Variants in MORN1 observed in about 807,000 individuals in gnomAD.
MORN1 encodes MORN repeat containing 1, also known as MORN repeat-containing protein 1.
MORN1 carries 67 observed loss-of-function variants against 61.9 expected under a neutral mutation model. The ratio of observed to expected loss-of-function variants is 1.08; its 90% CI spans 0.89 to 1.33. The LOEUF (loss-of-function observed/expected upper bound fraction) is 1.33. Ranked by LOEUF, MORN1 falls within the 40% of genes most tolerant of loss-of-function variation. The pLI, the probability that MORN1 is intolerant of heterozygous loss-of-function variation, is 0.00. For missense variants in MORN1, 752 were observed against 691.2 expected (o/e 1.09, Z -0.99); for synonymous variants, 301 against 292.0 (o/e 1.03, Z -0.31).
chr1:2,334,443 G>A lies in MORN1; in HGVS notation c.1250+2026C>T, dbSNP rs758001927. On this transcript the variant is annotated intron_variant, in intron 12 of 13. Coordinates refer to ENST00000378531, the MANE Select transcript of MORN1 (RefSeq NM_024848.3). The surrounding 1 kb of genome is among the most constrained non-coding windows in gnomAD (Gnocchi z 5.4). ...CAACCCAGGAGCGGGCAGAGCTTAC[G>A]GAGAGTTCCCGATGGGAAAGACTCC... is the stretch of plus-strand genomic sequence containing the variant. 9.9e-5 allele frequency among the ~76,000 whole-genome samples: 15 copies of A among 152,124 alleles called. No homozygotes were observed. The highest frequency in any genetic ancestry group is 2.4e-4 in the African/African-American group (10 of 41,428).
intron 10 of MORN1, among the ~76,000 whole-genome samples, chr1:2,349,727 T>C (rs149720571): frequency 2.6e-5 from 4 of 152,238 alleles, no homozygotes; most frequent in Non-Finnish European, 4.4e-5. Context: ...ACGGGCAAGA[T>C]TGAATTAGTG....
chr1:2,369,670 A>C (rs900414877), intron 8 of MORN1, among the ~76,000 whole-genome samples: 3 of 152,262 alleles, frequency 2.0e-5, no homozygotes, highest in Non-Finnish European at 2.9e-5. Flanking sequence ...AATTCTACTC[A>C]TGATGGCATA....
chr1:2,336,407 AG>A, intron 12 of MORN1, 61 bp downstream of exon 12: 1 of 1,533,576 alleles, frequency 6.5e-7, no homozygotes, highest in Non-Finnish European at 8.9e-7. Context: ...CTCCTGGCCC[AG>A]CTGATGAGGA....
chr1:2,374,445 AG>A lies in MORN1; in HGVS notation c.634+15del, dbSNP rs1194459503. ...AGTGGACCTCACAGTGCCCACAGGA[AG>A]GCAGGGACACCTACCTGCTGGGTGG... On this transcript the variant is annotated intron_variant, in intron 7 of 13. Transcript: ENST00000378531. The A allele has an allele frequency of 6.4e-7, 1 of 1,567,254 alleles. No homozygotes were observed. Among genetic ancestry groups the A allele is most frequent in the African/African-American group, 1.3e-5 (1 of 74,272 alleles).
In MORN1 at chr1:2,342,881, ATTTTAT is replaced by A. The variant is rs758203476; in HGVS notation, c.1037-6037_1037-6032del. Among the ~76,000 whole-genome samples, 794 of 97,398 alleles carry A rather than the reference ATTTTAT, an allele frequency of 8.2e-3. 7 individuals carry two copies. Among genetic ancestry groups the A allele is most frequent in the African/African-American group, 0.023 (608 of 26,780 alleles). 63.9% of individuals were successfully genotyped at this position (97,398 alleles called of 152,430 possible). The stretch of plus-strand genomic sequence containing the variant: ...TATTTTATTTTATTTATTTTATTTT[ATTTTAT>A]TTTATTTTATTTTATTTTATTTTAT... On this transcript the variant is annotated intron_variant, in intron 10 of 13. Coordinates refer to ENST00000378531, the MANE Select transcript of MORN1 (RefSeq NM_024848.3).
At chr1:2,321,785 AG>A (rs1231351686) in intron 13 of MORN1, among the ~76,000 whole-genome samples, 1 of 152,030 alleles carries the variant, frequency 6.6e-6, no homozygotes, top group Non-Finnish European at 1.5e-5. Flanking sequence ...CAGTCAGCAT[AG>A]GTGAATAAAC....
At chr1:2,346,457 C>T (rs1557875346) in intron 10 of MORN1, among the ~76,000 whole-genome samples, 1 of 152,230 alleles carries the variant, frequency 6.6e-6, no homozygotes, top group Non-Finnish European at 1.5e-5. Flanking sequence ...GCATTCTCGG[C>T]TCACTGCAAC....
chr1:2,386,011 G>A, intron 4 of MORN1, 114 bp from the exon 5 acceptor site: 1 of 867,098 alleles, frequency 1.2e-6, no homozygotes, highest in Non-Finnish European at 1.9e-6. Flanking sequence ...AGTCTAGGAG[G>A]CATGGGGCTC....
intron 10 of MORN1, among the ~76,000 whole-genome samples, chr1:2,339,015 G>A (rs1430087310): frequency 6.6e-6 from 1 of 152,160 alleles, no homozygotes; most frequent in Non-Finnish European, 1.5e-5. Context: ...CGGGTTCCTT[G>A]AGCCTGTGTG....
intron 7 of MORN1, among the ~76,000 whole-genome samples, chr1:2,373,819 C>T (rs541218947): frequency 2.6e-5 from 4 of 152,234 alleles, no homozygotes; most frequent in Non-Finnish European, 5.9e-5. Context: ...ACCCCTGTGA[C>T]CTCTCCCAGC....
chr1:2,391,370 G>A (rs2100388828), intron 1 of MORN1, 88 bp downstream of exon 1: 1 of 1,230,244 alleles, frequency 8.1e-7, no homozygotes, highest in East Asian at 3.2e-5. Flanking sequence ...TCCGAGGTGA[G>A]CATTTGGGGG....
At chr1:2,336,086 A>G (rs1019703088) in intron 12 of MORN1, among the ~76,000 whole-genome samples, 1 of 152,116 alleles carries the variant, frequency 6.6e-6, no homozygotes, top group Non-Finnish European at 1.5e-5. Flanking sequence ...CCTCCAGCTC[A>G]CAGAGTCCCC....
chr1:2,363,406 G>C (rs865820101), intron 8 of MORN1: 1 of 152,000 alleles, frequency 6.6e-6, no homozygotes, highest in African/African-American at 2.4e-5. Flanking sequence ...TTTACTTAAC[G>C]AGTTGTAAAA....
At chr1:2,368,663 C>T (rs778362949) in intron 8 of MORN1, among the ~76,000 whole-genome samples, 3 of 152,166 alleles carry the variant, frequency 2.0e-5, no homozygotes, top group Non-Finnish European at 4.4e-5. Context: ...CTACAAATGG[C>T]CCATAGCACA....
chr1:2,379,047 TAG>T (rs1462471778), intron 6 of MORN1: 1 of 471,134 alleles, frequency 2.1e-6, no homozygotes, highest in Middle Eastern at 3.2e-4. Flanking sequence ...AGGTTCTTCA[TAG>T]AGCTTTGCAT....
intron 13 of MORN1, chr1:2,322,727 C>T (rs1640910111): frequency 1.4e-5 from 14 of 985,468 alleles, no homozygotes; most frequent in Non-Finnish European, 1.7e-5. Context: ...CTAGGTGTTC[C>T]CAGGAATCCA....
At chr1:2,381,698 TACC>T (rs1451104445) in intron 6 of MORN1, among the ~76,000 whole-genome samples, 2 of 152,246 alleles carry the variant, frequency 1.3e-5, no homozygotes, top group African/African-American at 4.8e-5. Context: ...TTCAAGGTTT[TACC>T]ACCAAGGGGA....
rs888711177 is a variant in MORN1 at position 2,336,623 on chromosome 1, CT to C, written c.1171-76del. The C allele has an allele frequency of 5.3e-5, 84 of 1,591,126 alleles. No individual in the cohort carries two copies. The African/African-American group carries it at 9.5e-4, about 18-fold the overall frequency. ...GCCTAGGAGCTCTGCTCCAACCCCC[CT>C]GGGGCACACATGGCCTGGGTGTTGA... On this transcript the variant is annotated intron_variant, in intron 11 of 13. Coordinates refer to ENST00000378531, the MANE Select transcript of MORN1 (RefSeq NM_024848.3).
At chr1:2,324,775 G>A (rs899365183) in intron 12 of MORN1, among the ~76,000 whole-genome samples, 1 of 151,936 alleles carries the variant, frequency 6.6e-6, no homozygotes, top group Non-Finnish European at 1.5e-5. Flanking sequence ...GGCAGTCTCT[G>A]GGGGGGCCCA....
Sources: gnomAD v4.1 joint callset for allele counts (sites outside exome capture counted in the v4.1 genomes callset) on GRCh38, gnomAD v4.1.1 for gene constraint, Gnocchi (gnomAD v3.1) non-coding constraint, MANE v1.5 for transcripts, NCBI Gene and HGNC (gene_info 2026-07-23, HGNC 2026-07-21) for gene names.